Variants in KIF21B observed in about 807,000 individuals in gnomAD.
KIF21B encodes the protein kinesin-like protein KIF21B.
In KIF21B, 85 loss-of-function variants were observed where a neutral mutation model predicts 192.9. That is an observed-to-expected ratio of 0.44 (90% CI 0.37 to 0.53). The LOEUF (loss-of-function observed/expected upper bound fraction) is 0.53. Among genes scored for constraint, KIF21B ranks in the 20% least tolerant of loss-of-function variants. KIF21B has a pLI of 0.00. For synonymous variants in KIF21B, 832 were observed against 884.6 expected (o/e 0.94, Z 1.05); for missense variants, 1,716 against 2,194.8 (o/e 0.78, Z 4.36).
intron 1 of KIF21B, among the ~76,000 whole-genome samples, chr1:201,022,223 C>T (rs1658879109): frequency 6.6e-6 from 1 of 151,802 alleles, no homozygotes; most frequent in African/African-American, 2.4e-5. Context: ...CTGACTCTGT[C>T]TAGGAGCAAC....
At position 200,980,942 on chromosome 1, in the gene KIF21B, A is replaced by G. The variant is rs753085744; in HGVS notation, c.3979+18T>C. Reference sequence around the variant, plus strand: ...TAGGAGACCCCAACCCTACCTGGCTAGTTGGCGTTCCACATACCTTTGGAC... The same window carrying G: ...TAGGAGACCCCAACCCTACCTGGCTGGTTGGCGTTCCACATACCTTTGGAC... On this transcript the variant is annotated intron_variant, in intron 29 of 34. Coordinates refer to ENST00000461742, the MANE Select transcript of KIF21B (RefSeq NM_001252102.2). The G allele has an allele frequency of 1.9e-6, 3 of 1,605,920 alleles. No homozygotes were observed. The highest frequency in any genetic ancestry group is 8.5e-7 in the Non-Finnish European group (1 of 1,176,942).
At chr1:200,978,784 T>C (rs1318332625) in intron 30 of KIF21B, among the ~76,000 whole-genome samples, 2 of 152,182 alleles carry the variant, frequency 1.3e-5, no homozygotes, top group Admixed American at 1.3e-4. Flanking sequence ...CCTCCTGGGC[T>C]CAAGCAACCC....
chr1:200,981,120 G>GGCAT, intron 28 of KIF21B, 24 bp from the exon 29 acceptor site: 1 of 1,571,074 alleles, frequency 6.4e-7, no homozygotes. Flanking sequence ...AGGGAGAGAA[G>GGCAT]GCATGCTCGT....
In KIF21B at chr1:200,998,899, A is replaced by G. The variant is rs1657266268; in HGVS notation, c.1886-324T>C. ...TCAGTGGAGGAGGGTGAGATGGCTG[A>G]GAGCAACTTACAGGGCTAGGGCCAG... On this transcript the variant is annotated intron_variant, in intron 13 of 34. Transcript: ENST00000461742. The surrounding 1 kb of genome is among the most constrained non-coding windows in gnomAD (Gnocchi z 4.3). Among the ~76,000 whole-genome samples the G allele has an allele frequency of 6.6e-6, 1 of 152,172 alleles. No homozygotes were observed. The highest frequency in any genetic ancestry group is 1.5e-5 in the Non-Finnish European group (1 of 68,034).
chr1:200,996,128 TG>T, intron 15 of KIF21B, 67 bp downstream of exon 15: 2 of 1,416,454 alleles, frequency 1.4e-6, no homozygotes, highest in Non-Finnish European at 2.0e-6. Context: ...ATTTTTACGA[TG>T]GTGAGTGGAT....
rs752823311 is a variant in KIF21B, at chr1:200,986,814, T to C, written c.3689+30A>G. ...AACCAAGAACTAGACTGGTGGTGAC[T>C]CTGGAGCAGATTCTAGAACATGATC... is the stretch of plus-strand genomic sequence containing the variant. On this transcript the variant is annotated intron_variant, in intron 26 of 34. Transcript: ENST00000461742. 8 of 1,584,060 alleles carry C rather than the reference T, an allele frequency of 5.1e-6. No homozygotes were observed. The Admixed American group carries it at 1.2e-4, about 24-fold the overall frequency.
intron 1 of KIF21B, among the ~76,000 whole-genome samples, chr1:201,016,772 C>A (rs1282319997): frequency 1.3e-5 from 2 of 152,166 alleles, no homozygotes; most frequent in African/African-American, 4.8e-5. Context: ...CTCTCCTGGC[C>A]TCTCAGACCC....
intron 21 of KIF21B, 41 bp from the exon 22 acceptor site, chr1:200,988,972 G>A: frequency 2.6e-6 from 4 of 1,565,402 alleles, no homozygotes; most frequent in Non-Finnish European, 3.5e-6. Flanking sequence ...CCCTCCTGGG[G>A]GTTGGGAGTC....
chr1:201,012,924 A>C (rs1057416661), intron 1 of KIF21B, among the ~76,000 whole-genome samples: 2 of 152,176 alleles, frequency 1.3e-5, no homozygotes, highest in African/African-American at 4.8e-5. Flanking sequence ...TATAGGTGTG[A>C]GCTACCACGC....
chr1:201,012,267 G>A (rs984707624), intron 1 of KIF21B, among the ~76,000 whole-genome samples: 1 of 141,404 alleles, frequency 7.1e-6, no homozygotes, highest in African/African-American at 2.8e-5. Context: ...CAGAGAAACT[G>A]ATACTGGCTG....
chr1:200,998,270 TC>T lies in KIF21B; in HGVS notation c.2077+113del, dbSNP rs1657202709. ...AGGACCACAGTCAAAGGTTGGGAAGTCCCTTGCCTAGAAGGCCAGGATAACC... is the reference window on the plus strand; with the variant it reads ...AGGACCACAGTCAAAGGTTGGGAAGTCCTTGCCTAGAAGGCCAGGATAACC... On this transcript the variant is annotated intron_variant, in intron 14 of 34. Transcript: ENST00000461742. This position sits in a 1 kb window ranked among gnomAD's most constrained non-coding sequence, Gnocchi z 4.3. The T allele has an allele frequency of 2.0e-6, 2 of 989,530 alleles. No homozygotes were observed. Among genetic ancestry groups the T allele is most frequent in the South Asian group, 3.1e-5 (2 of 64,518 alleles). The allele number at this position is 989,530 out of a possible 1,614,324, so 61.3% of individuals were successfully genotyped here. A position where few individuals can be genotyped will look rare whatever the true frequency, so the allele number is the denominator to read the frequency against.
rs1333495477 is a variant in KIF21B, at chr1:201,004,394, G to A, written c.962C>T (p.Pro321Leu). 1 of 1,582,168 alleles carries A rather than the reference G, an allele frequency of 6.3e-7. No homozygotes were observed. The highest frequency in any genetic ancestry group is 8.6e-7 in the Non-Finnish European group (1 of 1,163,416). ...CCGAGTGAGCTTGGAGTCCCTGTAGGGAACGTGCACCACCTTCTTGCTCTG... is the reference window on the plus strand; with the variant it reads ...CCGAGTGAGCTTGGAGTCCCTGTAGAGAACGTGCACCACCTTCTTGCTCTG... The part of the protein sequence containing the change: ...GDQSKKVVHV[P>L]YRDSKLTRLL... The change falls in exon 7 of 35, where the codon CCC becomes CTC. Residue 321 changes from proline (P) to leucine (L), a missense_variant. Pro to Leu is a moderately conservative substitution (Grantham distance 98). Coordinates refer to ENST00000461742, the MANE Select transcript of KIF21B (RefSeq NM_001252102.2).
chr1:200,998,527 A>C lies in KIF21B; in HGVS notation c.1934T>G (p.Ile645Ser), dbSNP rs1191326083. 1 of 1,613,796 alleles carries C rather than the reference A, an allele frequency of 6.2e-7. No individual in the cohort carries two copies. Among genetic ancestry groups the C allele is most frequent in the Non-Finnish European group, 8.5e-7 (1 of 1,179,994 alleles). The change falls in exon 14 of 35, where the codon ATC (isoleucine) becomes AGC (serine). Residue 645 changes from isoleucine to serine, a missense_variant. Physicochemically the swap from Ile to Ser is moderately radical, Grantham distance 142. This residue lies in a region of KIF21B where 1,087 missense variants were observed against 1,316.6 expected (regional missense o/e 0.83). Transcript: ENST00000461742. The surrounding 1 kb of genome is among the most constrained non-coding windows in gnomAD (Gnocchi z 4.3). ...CAGCTCGTCGATCAGCTTCTGCTTG[A>C]TTTCGATCTCACAAGTCAGGTCGGC... ...DLADLTCEIE[I>S]KQKLIDELEN...
At chr1:200,974,565 GCTAGGTATGC>G in intron 34 of KIF21B, 139 bp downstream of exon 34, 1 of 792,664 alleles carries the variant, frequency 1.3e-6, no homozygotes, top group Admixed American at 2.2e-5. Context: ...GCTGGCACAG[GCTAGGTATGC>G]AAAGGAGGCC....
At chr1:200,986,019 T>C (rs921064590) in intron 26 of KIF21B, among the ~76,000 whole-genome samples, 4 of 151,426 alleles carry the variant, frequency 2.6e-5, no homozygotes, top group African/African-American at 7.3e-5. Context: ...CCAATTTTTT[T>C]GTATTTCAGT....
rs779363800 is a variant in KIF21B at position 201,002,267 on chromosome 1, C to T, written c.1296G>A (p.Gly432=). The stretch of plus-strand genomic sequence containing the variant: ...TGGCTTTCACCCGCAGCCGCAGGGC[C>T]CCATTCTCCTTCTGTAGCATGGCAT... ...RENAMLQKEN[G]ALRLRVKAMQ... The change falls in exon 9 of 35, where the codon GGG becomes GGA. Residue 432 remains glycine, a synonymous_variant. Coordinates refer to ENST00000461742, the MANE Select transcript of KIF21B (RefSeq NM_001252102.2). The T allele has an allele frequency of 7.4e-6, 12 of 1,614,060 alleles. No individual in the cohort carries two copies. In the South Asian group the frequency reaches 1.3e-4, roughly 18 times the overall value.
At chr1:201,002,578 C>T in intron 8 of KIF21B, 1 of 512,970 alleles carries the variant, frequency 1.9e-6, no homozygotes, top group Non-Finnish European at 3.5e-6. Flanking sequence ...TGTAACCAGC[C>T]ACTGAAGGCC....
chr1:200,987,441 G>A (rs576943864), intron 24 of KIF21B, among the ~76,000 whole-genome samples: 182 of 151,690 alleles, frequency 1.2e-3, no homozygotes, highest in Non-Finnish European at 1.8e-3. Context: ...ATAGGGTCTC[G>A]CCATGTTGTC....
rs2102434894 is a variant in KIF21B, at chr1:200,999,608, C to T, written c.1768-142G>A. 6.9e-7 allele frequency: 1 copy of T among 1,453,936 alleles called. No individual in the cohort carries two copies. Among genetic ancestry groups the T allele is most frequent in the Non-Finnish European group, 9.2e-7 (1 of 1,082,230 alleles). The allele number at this position is 1,453,936 out of a possible 1,614,324, so 90.1% of individuals were successfully genotyped here. ...ACAGCTGAGCCCCCCTGCCCACCCC[C>T]TACTCCTGGAAGAGTGCCGCCTCCC... On this transcript the variant is annotated intron_variant, in intron 12 of 34. Transcript: ENST00000461742. This position sits in a 1 kb window ranked among gnomAD's most constrained non-coding sequence, Gnocchi z 4.7.
Sources: gnomAD v4.1 joint callset for allele counts (sites outside exome capture counted in the v4.1 genomes callset) on GRCh38, gnomAD v4.1.1 for gene constraint, gnomAD v4.1.1 regional missense constraint, Gnocchi (gnomAD v3.1) non-coding constraint, MANE v1.5 for transcripts, NCBI Gene and HGNC (gene_info 2026-07-23, HGNC 2026-07-21) for gene names.